TMEM135: variants seen among roughly 807,000 people sequenced by gnomAD.
TMEM135 encodes peroxisomal membrane protein 52.
TMEM135 carries 30 observed loss-of-function variants against 60.3 expected under a neutral mutation model. That is an observed-to-expected ratio of 0.50 (90% CI 0.37 to 0.68). The LOEUF (loss-of-function observed/expected upper bound fraction) is 0.68. TMEM135 is among the 30% of genes least tolerant of loss of function. The pLI, the probability that TMEM135 is intolerant of heterozygous loss-of-function variation, is 0.00. For missense variants in TMEM135, 468 were observed against 548.8 expected (o/e 0.85, Z 1.47); for synonymous variants, 190 against 186.7 (o/e 1.02, Z -0.14).
chr11:87,069,616 T>TA lies in TMEM135; in HGVS notation c.269+1796dup, dbSNP rs1285934795. ...TGGACATGTTGCTTTTTATGGTGCC[T>TA]ATGGACATCTACGTTAACGTGTCCA... On this transcript the variant is annotated intron_variant, in intron 2 of 14. Coordinates refer to ENST00000305494, the MANE Select transcript of TMEM135 (RefSeq NM_022918.4). Among the ~76,000 whole-genome samples the TA allele has an allele frequency of 2.5e-4, 38 of 152,340 alleles. 2 individuals carry two copies. In the South Asian group the frequency reaches 7.7e-3, roughly 31 times the overall value.
chr11:87,127,384 C>T (rs1169724752), intron 4 of TMEM135, among the ~76,000 whole-genome samples: 1 of 152,162 alleles, frequency 6.6e-6, no homozygotes, highest in Non-Finnish European at 1.5e-5. Flanking sequence ...GTGGGCTAAT[C>T]AAGATTCATG....
At chr11:87,042,227 A>G (rs1390314967) in intron 1 of TMEM135, among the ~76,000 whole-genome samples, 1 of 152,236 alleles carries the variant, frequency 6.6e-6, no homozygotes, top group East Asian at 1.9e-4. Context: ...TGATTGGGGA[A>G]GCAAGGTCTG....
chr11:87,233,752 T>C (rs968841889), intron 5 of TMEM135, among the ~76,000 whole-genome samples: 1 of 152,074 alleles, frequency 6.6e-6, no homozygotes, highest in African/African-American at 2.4e-5. Context: ...TTGGCCAATA[T>C]TTGTTTAATG....
At chr11:87,043,496 C>T (rs985980189) in intron 1 of TMEM135, among the ~76,000 whole-genome samples, 2 of 151,668 alleles carry the variant, frequency 1.3e-5, no homozygotes, top group African/African-American at 2.4e-5. Context: ...GAGGCTGAGG[C>T]GGGTGGATCA....
chr11:87,261,632 A>G (rs148911642), intron 6 of TMEM135, among the ~76,000 whole-genome samples: 1 of 152,106 alleles, frequency 6.6e-6, no homozygotes, highest in African/African-American at 2.4e-5. Flanking sequence ...ATATCCTTCT[A>G]GAATTCTTTT....
At chr11:87,315,146 T>TTCCTCC (rs58849661) in intron 12 of TMEM135, among the ~76,000 whole-genome samples, 6 of 151,244 alleles carry the variant, frequency 4.0e-5, no homozygotes, top group African/African-American at 1.2e-4. Context: ...ACTGCTTTTC[T>TTCCTCC]TCCTCCTCCT....
chr11:87,247,954 C>T (rs919521814), intron 6 of TMEM135, among the ~76,000 whole-genome samples: 8 of 151,582 alleles, frequency 5.3e-5, no homozygotes, highest in Admixed American at 1.3e-4. Context: ...GCGTCGCTCA[C>T]ACTGGGGGCT....
intron 4 of TMEM135, chr11:87,094,922 C>T (rs528038640): frequency 1.3e-5 from 2 of 154,462 alleles, no homozygotes; most frequent in African/African-American, 4.8e-5. Context: ...ACCAGTGACT[C>T]CTCAAGTGAA....
At chr11:87,153,169 A>T (rs928017064) in intron 4 of TMEM135, among the ~76,000 whole-genome samples, 1 of 152,214 alleles carries the variant, frequency 6.6e-6, no homozygotes, top group African/African-American at 2.4e-5. Context: ...ATGCATTCCT[A>T]TTATGCCAGG....
At position 87,319,518 on chromosome 11, in the gene TMEM135, G is replaced by T. The variant is rs577697733; in HGVS notation, c.1244+141G>T. 9.9e-4 allele frequency: 648 copies of T among 653,266 alleles called. 8 individuals are homozygous for T. The highest frequency in any genetic ancestry group is 8.0e-3 in the South Asian group (414 of 52,070). The allele number at this position is 653,266 out of a possible 1,614,324, so 40.5% of individuals were successfully genotyped here. A position where few individuals can be genotyped will look rare whatever the true frequency, so the allele number is the denominator to read the frequency against. On this transcript the variant is annotated intron_variant, in intron 14 of 14. Coordinates refer to ENST00000305494, the MANE Select transcript of TMEM135 (RefSeq NM_022918.4). ...CTAAGAATAACATGGGGCGTTTTTT[G>T]AGTGAGCATTATTCTGACTATTCTT... is the stretch of plus-strand genomic sequence containing the variant.
intron 6 of TMEM135, among the ~76,000 whole-genome samples, chr11:87,257,379 G>A (rs938631767): frequency 2.0e-5 from 3 of 152,098 alleles, no homozygotes; most frequent in African/African-American, 7.2e-5. Flanking sequence ...CTGTGTCGGA[G>A]GTAATCAAAA....
intron 5 of TMEM135, among the ~76,000 whole-genome samples, chr11:87,191,835 A>T (rs999191351): frequency 6.6e-6 from 1 of 151,960 alleles, no homozygotes; most frequent in Admixed American, 6.6e-5. Context: ...CTTATTATCT[A>T]TGTTTTTGGA....
chr11:87,229,841 G>C (rs887073423), intron 5 of TMEM135, among the ~76,000 whole-genome samples: 1 of 152,106 alleles, frequency 6.6e-6, no homozygotes, highest in Non-Finnish European at 1.5e-5. Flanking sequence ...AAAAGTCTTA[G>C]AAGGGAACTT....
chr11:87,042,526 G>T (rs558176049), intron 1 of TMEM135, among the ~76,000 whole-genome samples: 2 of 152,172 alleles, frequency 1.3e-5, no homozygotes, highest in Non-Finnish European at 2.9e-5. Context: ...GCTCAGGGGA[G>T]AGTGGGACTA....
At chr11:87,270,092 C>G (rs985497700) in intron 6 of TMEM135, among the ~76,000 whole-genome samples, 1 of 142,374 alleles carries the variant, frequency 7.0e-6, no homozygotes, top group African/African-American at 2.5e-5. Flanking sequence ...TCTCTGATGG[C>G]CAGTGATGGT....
At chr11:87,136,902 T>A (rs1021915415) in intron 4 of TMEM135, among the ~76,000 whole-genome samples, 2 of 152,078 alleles carry the variant, frequency 1.3e-5, no homozygotes, top group Non-Finnish European at 1.5e-5. Context: ...TTTTCCAGAT[T>A]ATAGTCTGTT....
chr11:87,102,531 G>A (rs1857479556), intron 4 of TMEM135, among the ~76,000 whole-genome samples: 2 of 151,878 alleles, frequency 1.3e-5, no homozygotes, highest in Admixed American at 6.6e-5. Flanking sequence ...TTTATTAAAA[G>A]GATAAACATA....
intron 4 of TMEM135, among the ~76,000 whole-genome samples, chr11:87,129,709 T>C (rs1301679380): frequency 6.6e-6 from 1 of 151,806 alleles, no homozygotes; most frequent in East Asian, 1.9e-4. Flanking sequence ...CCTGGCTAAT[T>C]TTTGTATTTT....
chr11:87,163,989 G>A (rs1304976603), intron 5 of TMEM135, among the ~76,000 whole-genome samples: 1 of 148,274 alleles, frequency 6.7e-6, no homozygotes, highest in African/African-American at 2.5e-5. Context: ...TTTGTAGGAT[G>A]CCTGTTCACT....
Sources: gnomAD v4.1 joint callset for allele counts (sites outside exome capture counted in the v4.1 genomes callset) on GRCh38, gnomAD v4.1.1 for gene constraint, MANE v1.5 for transcripts, NCBI Gene and HGNC (gene_info 2026-07-23, HGNC 2026-07-21) for gene names.